The following LRRC19 variants were observed in gnomAD, a reference collection of about 807,000 sequenced individuals.
LRRC19 encodes leucine-rich repeat-containing protein 19.
Under a neutral mutation model 33.3 loss-of-function variants are expected in LRRC19, and 33 were observed. That is an observed-to-expected ratio of 0.99 (90% CI 0.75 to 1.33). LRRC19 has a LOEUF of 1.33. Among genes scored for constraint, LRRC19 ranks in the 40% most tolerant of loss-of-function variants. The probability of loss-of-function intolerance (pLI) is 0.00; values close to 1 mark genes in which losing one functional copy is unlikely to be tolerated. For synonymous variants in LRRC19, 184 were observed against 152.3 expected (o/e 1.21, Z -1.53); for missense variants, 463 against 417.3 (o/e 1.11, Z -0.95).
intron 1 of LRRC19, among the ~76,000 whole-genome samples, chr9:27,004,226 T>A (rs192560643): frequency 6.6e-6 from 1 of 152,320 alleles, no homozygotes; most frequent in East Asian, 1.9e-4. Context: ...TGCTATTTAA[T>A]GCTAATAATT....
chr9:27,002,843 G>T (rs1369166283), intron 1 of LRRC19, among the ~76,000 whole-genome samples: 3 of 151,866 alleles, frequency 2.0e-5, no homozygotes, highest in African/African-American at 7.3e-5. Flanking sequence ...ACTGTATTTT[G>T]ATAGGAATTG....
At chr9:27,000,189 G>A (rs899475208) in intron 1 of LRRC19, among the ~76,000 whole-genome samples, 20 of 152,052 alleles carry the variant, frequency 1.3e-4, no homozygotes, top group African/African-American at 3.6e-4. Context: ...TGAAGAATGA[G>A]ACTGATTTCT....
rs1190936733 is a variant in LRRC19, at chr9:26,994,012, C to T, written c.*1509G>A. On this transcript the variant is annotated 3_prime_UTR_variant, in exon 5 of 5. Coordinates refer to ENST00000380055, the MANE Select transcript of LRRC19 (RefSeq NM_022901.3). ...TAAATTATTAAATTGTGATTATAGCCAATTGATTATGAGGACTCAGCAAAT... is the reference window on the plus strand; with the variant it reads ...TAAATTATTAAATTGTGATTATAGCTAATTGATTATGAGGACTCAGCAAAT... The T allele has an allele frequency of 1.3e-5, 2 of 152,044 alleles. No individual in the cohort carries two copies. Among genetic ancestry groups the T allele is most frequent in the African/African-American group, 4.8e-5 (2 of 41,380 alleles). 9.4% of individuals were successfully genotyped at this position (152,044 alleles called of 1,614,324 possible). A position where few individuals can be genotyped will look rare whatever the true frequency, so the allele number is the denominator to read the frequency against.
rs762036837 is a variant in LRRC19 at position 26,998,026 on chromosome 9, T to A, written c.297A>T (p.Leu99=). 14 of 1,613,884 alleles carry A rather than the reference T, an allele frequency of 8.7e-6. No individual in the cohort carries two copies. The highest frequency in any genetic ancestry group is 1.2e-5 in the Non-Finnish European group (14 of 1,179,874). Residue 99 remains leucine, a synonymous_variant, in exon 3 of 5, where the codon CTA becomes CTT. Transcript: ENST00000380055. The part of the protein sequence containing the change: ...HNNGFGNLSS[L]EILNICRNSI... Reference sequence around the variant, plus strand: ...AGTTTCTACAGATATTTAAAATTTCTAGACTGGAGAGGTTACCAAAACCGT... The same window carrying A: ...AGTTTCTACAGATATTTAAAATTTCAAGACTGGAGAGGTTACCAAAACCGT...
chr9:27,002,960 C>G (rs1388113847), intron 1 of LRRC19, among the ~76,000 whole-genome samples: 1 of 151,954 alleles, frequency 6.6e-6, no homozygotes, highest in Admixed American at 6.6e-5. Flanking sequence ...TCTTCAGTTT[C>G]TTTCATCAGT....
intron 1 of LRRC19, among the ~76,000 whole-genome samples, chr9:27,000,822 C>T (rs1027005055): frequency 4.6e-5 from 7 of 152,172 alleles, no homozygotes; most frequent in South Asian, 2.1e-4. Context: ...ACATGTACCC[C>T]GGAACTTAAA....
chr9:27,002,181 G>C (rs947942957), intron 1 of LRRC19, among the ~76,000 whole-genome samples: 3 of 152,102 alleles, frequency 2.0e-5, no homozygotes, highest in African/African-American at 7.2e-5. Context: ...GCCCAGGCTG[G>C]AGTGCAGTGA....
intron 1 of LRRC19, among the ~76,000 whole-genome samples, chr9:27,000,029 C>T (rs1370699030): frequency 6.6e-6 from 1 of 152,064 alleles, no homozygotes; most frequent in East Asian, 1.9e-4. Context: ...CAGCCACTGG[C>T]GTGGCCTTGA....
rs751190261 is a variant in LRRC19 at position 26,997,821 on chromosome 9, G to C, written c.502C>G (p.Leu168Val). 1 of 1,614,054 alleles carries C rather than the reference G, an allele frequency of 6.2e-7. No homozygotes were observed. Among genetic ancestry groups the C allele is most frequent in the Non-Finnish European group, 8.5e-7 (1 of 1,180,036 alleles). ...TTTCCATATAAAGTTATTAATTCCA[G>C]ATGAAATAGTGGTGGTACATCCAAA... The part of the protein sequence containing the change: ...SYLDVPPLFH[L>V]ELITLYGNLW... The change falls in exon 3 of 5, where the codon CTG becomes GTG. Residue 168 changes from leucine (L) to valine (V), a missense_variant. Transcript: ENST00000380055.
chr9:27,003,885 T>C (rs1435635332), intron 1 of LRRC19, among the ~76,000 whole-genome samples: 1 of 152,236 alleles, frequency 6.6e-6, no homozygotes, highest in Non-Finnish European at 1.5e-5. Context: ...AGTTTACCTA[T>C]GTTTAATGAT....
intron 1 of LRRC19, among the ~76,000 whole-genome samples, chr9:27,003,622 T>G (rs1828620700): frequency 6.6e-6 from 1 of 152,222 alleles, no homozygotes; most frequent in Non-Finnish European, 1.5e-5. Context: ...GCTATTTTAG[T>G]GCTAGTCTGT....
At chr9:26,999,781 T>C in intron 1 of LRRC19, 78 bp from the exon 2 acceptor site, 1 of 933,276 alleles carries the variant, frequency 1.1e-6, no homozygotes, top group Non-Finnish European at 1.5e-6. Context: ...TTTTTTTTTT[T>C]TTTTTTTTTT....
At chr9:27,000,128 T>C (rs767064200) in intron 1 of LRRC19, among the ~76,000 whole-genome samples, 1 of 152,128 alleles carries the variant, frequency 6.6e-6, no homozygotes, top group Non-Finnish European at 1.5e-5. Flanking sequence ...AACAAGTGCA[T>C]GGCCATTCAC....
rs1554671251 is a variant in LRRC19 at position 27,005,367 on chromosome 9, C to CG, written c.-10+224dup. Among the ~76,000 whole-genome samples the CG allele has an allele frequency of 4.7e-3, 487 of 102,684 alleles. 15 individuals are homozygous for CG. The highest frequency in any genetic ancestry group is 8.4e-3 in the Non-Finnish European group (404 of 48,206). 67.4% of individuals were successfully genotyped at this position (102,684 alleles called of 152,430 possible). On this transcript the variant is annotated intron_variant, in intron 1 of 4. Transcript: ENST00000380055. Reference sequence around the variant, plus strand: ...TGAAACCATTTCCCCCCCCGCCCCCCGCAAAACAATTACTTAGTATTGTAT... The same window carrying CG: ...TGAAACCATTTCCCCCCCCGCCCCCCGGCAAAACAATTACTTAGTATTGTAT...
At chr9:26,997,226 A>T (rs1454425927) in intron 3 of LRRC19, among the ~76,000 whole-genome samples, 5 of 147,784 alleles carry the variant, frequency 3.4e-5, no homozygotes, top group African/African-American at 1.3e-4. Flanking sequence ...AAAAAAAAAA[A>T]TTTCTTAATT....
Position 26,995,816 on chromosome 9 carries a change from A to G in LRRC19, c.818T>C (p.Leu273Pro), listed in dbSNP as rs1276091626. Residue 273 changes from leucine to proline, a missense_variant, in exon 5 of 5, where the codon CTT (leucine) becomes CCT (proline). Transcript: ENST00000380055. ...CAGTACAGTGACAACAACACCAACA[A>G]GAAAAGCCCAACTTTTTCCAAGAGG... ...HEPLGKSWAF[L>P]VGVVVTVLTT... 7.5e-6 allele frequency: 12 copies of G among 1,605,966 alleles called. No individual in the cohort carries two copies. The highest frequency in any genetic ancestry group is 1.7e-5 in the Admixed American group (1 of 58,930).
intron 1 of LRRC19, among the ~76,000 whole-genome samples, chr9:27,001,398 A>C (rs1828478745): frequency 6.6e-6 from 1 of 152,134 alleles, no homozygotes; most frequent in Admixed American, 6.5e-5. Context: ...TGCTCTCCAG[A>C]GTGGCTATAC....
rs542225292 is a variant in LRRC19 at position 27,000,976 on chromosome 9, C to G, written c.-9-1273G>C. On this transcript the variant is annotated intron_variant, in intron 1 of 4. Transcript: ENST00000380055. The stretch of plus-strand genomic sequence containing the variant: ...CCTCCCTCCCTACCACCCTTTCCAG[C>G]CTCTGGTAACCACTAGTCTACTCTT... Among the ~76,000 whole-genome samples the G allele has an allele frequency of 9.9e-5, 15 of 152,266 alleles. No individual in the cohort carries two copies. The South Asian group carries it at 3.1e-3, about 32-fold the overall frequency.
chr9:27,005,528 A>G (rs1828730545), intron 1 of LRRC19, 64 bp downstream of exon 1: 1 of 151,688 alleles, frequency 6.6e-6, no homozygotes. Context: ...TACAGACTTA[A>G]CAAACTTAAA....
Sources: gnomAD v4.1 joint callset for allele counts (sites outside exome capture counted in the v4.1 genomes callset) on GRCh38, gnomAD v4.1.1 for gene constraint, MANE v1.5 for transcripts, NCBI Gene and HGNC (gene_info 2026-07-23, HGNC 2026-07-21) for gene names.